DTHD1: variants seen among roughly 807,000 people sequenced by gnomAD.
DTHD1 encodes death domain containing 1, also known as death domain-containing protein 1.
In DTHD1, 59 loss-of-function variants were observed where a neutral mutation model predicts 74.8. That is an observed-to-expected ratio of 0.79 (90% CI 0.64 to 0.98). DTHD1 has a LOEUF of 0.98. DTHD1 is among the 50% of genes least tolerant of loss of function. The pLI, the probability that DTHD1 is intolerant of heterozygous loss-of-function variation, is 0.00. For missense variants in DTHD1, 1,051 were observed against 1,065.4 expected (o/e 0.99, Z 0.19); for synonymous variants, 365 against 371.1 (o/e 0.98, Z 0.19).
At chr4:36,318,098 G>C (rs1418108059) in intron 8 of DTHD1, among the ~76,000 whole-genome samples, 4 of 152,146 alleles carry the variant, frequency 2.6e-5, no homozygotes, top group African/African-American at 9.7e-5. Context: ...ATACATAATT[G>C]TTCTTATTTT....
chr4:36,324,407 C>A (rs1286138991), intron 8 of DTHD1, among the ~76,000 whole-genome samples: 2 of 152,176 alleles, frequency 1.3e-5, no homozygotes, highest in Admixed American at 6.5e-5. Flanking sequence ...ACAAAGGAAG[C>A]ACAGATATTC....
At chr4:36,306,386 A>C (rs1302666822) in intron 6 of DTHD1, 34 bp downstream of exon 6, 3 of 1,505,956 alleles carry the variant, frequency 2.0e-6, no homozygotes, top group Non-Finnish European at 2.7e-6. Context: ...AGTTGATGAT[A>C]CTCTTTCTGA....
At chr4:36,303,484 G>A (rs1370112451) in intron 5 of DTHD1, among the ~76,000 whole-genome samples, 1 of 152,110 alleles carries the variant, frequency 6.6e-6, no homozygotes, top group Admixed American at 6.5e-5. Flanking sequence ...CCTCAACCAG[G>A]AAGAACCTAG....
rs1440364751 is a variant in DTHD1, at chr4:36,283,981, A to G, written c.277A>G (p.Ile93Val). The G allele has an allele frequency of 6.5e-6, 10 of 1,529,780 alleles. No individual in the cohort carries two copies. The South Asian group carries it at 8.4e-5, about 13-fold the overall frequency. The allele number at this position is 1,529,780 out of a possible 1,614,324, so 94.8% of individuals were successfully genotyped here. A position where few individuals can be genotyped will look rare whatever the true frequency, so the allele number is the denominator to read the frequency against. ...ENQCVSRKEI[I>V]TFIDCLIKIT... Reference sequence around the variant, plus strand: ...GTCCATGTATGTGTGTGTAGAAATCATTACTTTCATAGACTGCCTCATAAA... The same window carrying G: ...GTCCATGTATGTGTGTGTAGAAATCGTTACTTTCATAGACTGCCTCATAAA... Residue 93 changes from isoleucine to valine, a missense_variant, in exon 2 of 10, where the codon ATT (isoleucine) becomes GTT (valine). Coordinates refer to ENST00000639862, the MANE Select transcript of DTHD1 (RefSeq NM_001170700.3).
chr4:36,343,901 G>T lies in DTHD1; in HGVS notation c.*77G>T. 7.6e-7 allele frequency: 1 copy of T among 1,314,128 alleles called. No homozygotes were observed. Among genetic ancestry groups the T allele is most frequent in the Non-Finnish European group, 1.0e-6 (1 of 982,870 alleles). 81.4% of individuals were successfully genotyped at this position (1,314,128 alleles called of 1,614,324 possible). ...TGTTTCTGTCAACATTTTCCTGGAA[G>T]TTTCCGAATGATATTATTTGAAGTC... On this transcript the variant is annotated 3_prime_UTR_variant, in exon 10 of 10. Coordinates refer to ENST00000639862, the MANE Select transcript of DTHD1 (RefSeq NM_001170700.3).
chr4:36,339,070 A>G, intron 8 of DTHD1, 42 bp from the exon 9 acceptor site: 1 of 1,479,650 alleles, frequency 6.8e-7, no homozygotes, highest in Non-Finnish European at 9.2e-7. Context: ...TTCACAAATT[A>G]ATTACTTCTT....
Position 36,343,633 on chromosome 4 carries a change from C to A in DTHD1, c.2530C>A (p.Leu844Ile). Residue 844 changes from leucine (L) to isoleucine (I), a missense_variant, in exon 10 of 10, where the codon CTC becomes ATC. Leu to Ile is a conservative substitution (Grantham distance 5, BLOSUM62 2). Transcript: ENST00000639862. The part of the protein sequence containing the change: ...QLIKLKNPDD[L>I]TEQIHEFLCF... ...CATCAAACTCAAGAACCCTGATGAT[C>A]TCACAGAACAGATCCACGAGTTTCT... 6.4e-7 allele frequency: 1 copy of A among 1,551,932 alleles called. No individual in the cohort carries two copies. The highest frequency in any genetic ancestry group is 8.7e-7 in the Non-Finnish European group (1 of 1,146,976).
At chr4:36,313,275 C>T (rs1305106562) in intron 7 of DTHD1, among the ~76,000 whole-genome samples, 1 of 152,058 alleles carries the variant, frequency 6.6e-6, no homozygotes, top group Admixed American at 6.5e-5. Context: ...TATCTCAAGA[C>T]ACTTCTAGGG....
chr4:36,322,658 TAGTA>T (rs1224336224), intron 8 of DTHD1, among the ~76,000 whole-genome samples: 1 of 152,176 alleles, frequency 6.6e-6, no homozygotes, highest in Non-Finnish European at 1.5e-5. Flanking sequence ...GTTTGTAAGA[TAGTA>T]AGCGTCCTGG....
chr4:36,330,621 A>T (rs963191470), intron 8 of DTHD1, among the ~76,000 whole-genome samples: 6 of 152,060 alleles, frequency 3.9e-5, no homozygotes, highest in African/African-American at 1.4e-4. Context: ...TTATTGTTAG[A>T]GCTTCAGACA....
rs1759473125 is a variant in DTHD1 at position 36,344,083 on chromosome 4, T to G, written c.*259T>G. 3.7e-5 allele frequency: 15 copies of G among 407,894 alleles called. 1 individual carries two copies. The South Asian group carries it at 5.9e-4, about 16-fold the overall frequency. 25.3% of individuals were successfully genotyped at this position (407,894 alleles called of 1,614,324 possible). On this transcript the variant is annotated 3_prime_UTR_variant, in exon 10 of 10. Coordinates refer to ENST00000639862, the MANE Select transcript of DTHD1 (RefSeq NM_001170700.3). ...TGAGTTTGGCCTCACTTAATAGCATTTGCAATTGAGTTTGACTTGTTCACA... is the reference window on the plus strand; with the variant it reads ...TGAGTTTGGCCTCACTTAATAGCATGTGCAATTGAGTTTGACTTGTTCACA...
rs1312897755 is a variant in DTHD1, at chr4:36,294,906, C to T, written c.1510C>T (p.Pro504Ser). 1.3e-6 allele frequency: 2 copies of T among 1,551,802 alleles called. No individual in the cohort carries two copies. Among genetic ancestry groups the T allele is most frequent in the African/African-American group, 2.7e-5 (2 of 73,020 alleles). The change falls in exon 5 of 10, where the codon CCT becomes TCT. Residue 504 changes from proline (P) to serine (S), a missense_variant. Pro to Ser is a moderately conservative substitution (Grantham distance 74, BLOSUM62 -1). Coordinates refer to ENST00000639862, the MANE Select transcript of DTHD1 (RefSeq NM_001170700.3). ...TCACATTCAGCACCCATCAACTTAT[C>T]CTTTTCAGAAGCCAGTCACTTTGTT... ...LIHIQHPSTY[P>S]FQKPVTLFLP...
At chr4:36,314,751 T>G (rs1049436847) in intron 7 of DTHD1, among the ~76,000 whole-genome samples, 6 of 105,460 alleles carry the variant, frequency 5.7e-5, no homozygotes, top group Middle Eastern at 4.1e-3. Flanking sequence ...ATCTGAGTTT[T>G]TTTTTTTTTT....
At chr4:36,340,331 T>C (rs1025838374) in intron 9 of DTHD1, among the ~76,000 whole-genome samples, 3 of 152,204 alleles carry the variant, frequency 2.0e-5, no homozygotes, top group African/African-American at 7.2e-5. Flanking sequence ...GAACCAAAAC[T>C]GACAGCAGGG....
At chr4:36,307,403 C>T (rs1395792192) in intron 6 of DTHD1, among the ~76,000 whole-genome samples, 1 of 152,158 alleles carries the variant, frequency 6.6e-6, no homozygotes, top group Non-Finnish European at 1.5e-5. Flanking sequence ...TCTCTGTATG[C>T]ATTTCTATGT....
At chr4:36,318,618 T>C (rs895851475) in intron 8 of DTHD1, among the ~76,000 whole-genome samples, 2 of 141,384 alleles carry the variant, frequency 1.4e-5, no homozygotes, top group East Asian at 4.0e-4. Flanking sequence ...TTTTCTTTTT[T>C]TTTTTTTTTT....
chr4:36,295,034 C>A lies in DTHD1; in HGVS notation c.1638C>A (p.Phe546Leu). Residue 546 changes from phenylalanine to leucine, a missense_variant, in exon 5 of 10, where the codon TTC (phenylalanine) becomes TTA (leucine). Physicochemically the swap from Phe to Leu is conservative, Grantham distance 22. Transcript: ENST00000639862. Reference protein sequence around the residue: ...ATINRITPSYFNRTKIASIRK... With the variant: ...ATINRITPSYLNRTKIASIRK... ...TAAATAGGATTACACCTTCGTATTT[C>A]AACCGGTGAGTAAGTTTCTAATATT... is the stretch of plus-strand genomic sequence containing the variant. 1 of 1,531,918 alleles carries A rather than the reference C, an allele frequency of 6.5e-7. No individual in the cohort carries two copies. 94.9% of individuals were successfully genotyped at this position (1,531,918 alleles called of 1,614,324 possible). A position where few individuals can be genotyped will look rare whatever the true frequency, so the allele number is the denominator to read the frequency against.
chr4:36,329,034 G>A (rs1205319126), intron 8 of DTHD1, among the ~76,000 whole-genome samples: 1 of 152,202 alleles, frequency 6.6e-6, no homozygotes, highest in African/African-American at 2.4e-5. Flanking sequence ...GAGCCCGCAT[G>A]AGGACCCAGA....
rs1759465879 is a variant in DTHD1 at position 36,343,938 on chromosome 4, T to G, written c.*114T>G. ...TATTATTTGAAGTCAGTCTATTTAA[T>G]GATGTGCTATTTAATGATGTGAGAC... On this transcript the variant is annotated 3_prime_UTR_variant, in exon 10 of 10. Coordinates refer to ENST00000639862, the MANE Select transcript of DTHD1 (RefSeq NM_001170700.3). The G allele has an allele frequency of 2.0e-6, 2 of 1,025,062 alleles. No individual in the cohort carries two copies. The highest frequency in any genetic ancestry group is 3.4e-5 in the South Asian group (2 of 58,100). 63.5% of individuals were successfully genotyped at this position (1,025,062 alleles called of 1,614,324 possible). A position where few individuals can be genotyped will look rare whatever the true frequency, so the allele number is the denominator to read the frequency against.
Sources: gnomAD v4.1 joint callset for allele counts (sites outside exome capture counted in the v4.1 genomes callset) on GRCh38, gnomAD v4.1.1 for gene constraint, MANE v1.5 for transcripts, NCBI Gene and HGNC (gene_info 2026-07-23, HGNC 2026-07-21) for gene names.